The following AK5 variants were observed in gnomAD, a reference collection of about 807,000 sequenced individuals.
AK5 encodes adenylate kinase 5, also known as adenylate kinase isoenzyme 5.
Under a neutral mutation model 69.5 loss-of-function variants are expected in AK5, and 27 were observed. The ratio of observed to expected loss-of-function variants is 0.39; its 90% CI spans 0.29 to 0.54. The LOEUF is 0.54. AK5 is among the 20% of genes least tolerant of loss of function. AK5 has a pLI of 0.71. For missense variants in AK5, 531 were observed against 700.4 expected (o/e 0.76, Z 2.73); for synonymous variants, 260 against 244.4 (o/e 1.06, Z -0.60).
intron 6 of AK5, 58 bp from the exon 7 acceptor site, chr1:77,410,923 G>T (rs1266267155): frequency 2.2e-6 from 3 of 1,358,300 alleles, no homozygotes; most frequent in African/African-American, 2.9e-5. Context: ...TTATATTTTT[G>T]AATTAACTAA....
intron 6 of AK5, among the ~76,000 whole-genome samples, chr1:77,351,852 CAATA>C (rs1395855834): frequency 6.6e-6 from 1 of 151,436 alleles, no homozygotes; most frequent in Non-Finnish European, 1.5e-5. Flanking sequence ...AGCCAACCTA[CAATA>C]ACCACCAAAA....
intron 9 of AK5, among the ~76,000 whole-genome samples, chr1:77,484,217 A>C (rs1471794209): frequency 6.6e-6 from 1 of 152,072 alleles, no homozygotes; most frequent in Admixed American, 6.5e-5. Context: ...CTAGCTATGC[A>C]TGTAACTGAA....
chr1:77,505,609 G>A (rs755691307), intron 10 of AK5, among the ~76,000 whole-genome samples: 3 of 152,108 alleles, frequency 2.0e-5, no homozygotes, highest in Non-Finnish European at 4.4e-5. Flanking sequence ...GTGCACACCT[G>A]TAATCCCGGC....
At chr1:77,554,706 C>T (rs892299438) in intron 13 of AK5, among the ~76,000 whole-genome samples, 14 of 151,948 alleles carry the variant, frequency 9.2e-5, no homozygotes, top group African/African-American at 2.4e-4. Flanking sequence ...CCCGGGTTCA[C>T]GCCATTCTCC....
In AK5 at chr1:77,327,309, T is replaced by A. The variant is rs73004413; in HGVS notation, c.700-13068T>A. The stretch of plus-strand genomic sequence containing the variant: ...CAAGAGCTGAGGTGGGAGAATCACC[T>A]GAGCCAAAGAGTTTGAGACTGCAGT... On this transcript the variant is annotated intron_variant, in intron 5 of 13. Coordinates refer to ENST00000354567, the MANE Select transcript of AK5 (RefSeq NM_174858.3). Among the ~76,000 whole-genome samples the A allele has an allele frequency of 3.3e-3, 497 of 150,646 alleles. 2 individuals carry two copies. Among genetic ancestry groups the A allele is most frequent in the African/African-American group, 9.9e-3 (407 of 40,998 alleles).
chr1:77,349,097 T>C (rs2100405910), intron 6 of AK5, among the ~76,000 whole-genome samples: 1 of 152,168 alleles, frequency 6.6e-6, no homozygotes, highest in African/African-American at 2.4e-5. Flanking sequence ...GGCTTGCCCG[T>C]CAGGAAAATA....
At chr1:77,494,053 A>C (rs907055704) in intron 10 of AK5, among the ~76,000 whole-genome samples, 2 of 152,224 alleles carry the variant, frequency 1.3e-5, no homozygotes, top group African/African-American at 2.4e-5. Flanking sequence ...ACACTGCATG[A>C]CATGGCAGGA....
intron 5 of AK5, among the ~76,000 whole-genome samples, chr1:77,316,131 A>T (rs958769347): frequency 6.6e-6 from 1 of 152,108 alleles, no homozygotes; most frequent in African/African-American, 2.4e-5. Context: ...TAAAGCCCCC[A>T]TGACCTCCTA....
chr1:77,452,696 T>C (rs1305212065), intron 8 of AK5, among the ~76,000 whole-genome samples: 1 of 152,232 alleles, frequency 6.6e-6, no homozygotes, highest in Non-Finnish European at 1.5e-5. Context: ...AGTCCTTCAT[T>C]CAGCCAAGCA....
In AK5 at chr1:77,282,926, G is replaced by C. The variant is rs536395187; in HGVS notation, c.60+553G>C. 1.7e-4 allele frequency: 165 copies of C among 985,970 alleles called. 3 individuals carry two copies. The highest frequency in any genetic ancestry group is 1.7e-5 in the African/African-American group (1 of 57,386). The allele number at this position is 985,970 out of a possible 1,614,324, so 61.1% of individuals were successfully genotyped here. On this transcript the variant is annotated intron_variant, in intron 1 of 13. Coordinates refer to ENST00000354567, the MANE Select transcript of AK5 (RefSeq NM_174858.3). ...ATCAAGTGCCACCTCCCCGGTGACA[G>C]GCCCCCAGCCTTGCTCTGCGCTTTC...
intron 5 of AK5, among the ~76,000 whole-genome samples, chr1:77,304,984 T>A (rs1256123491): frequency 1.3e-5 from 2 of 152,168 alleles, no homozygotes; most frequent in East Asian, 3.9e-4. Flanking sequence ...TTTCTCCACA[T>A]CCTCGTCAGC....
intron 5 of AK5, among the ~76,000 whole-genome samples, chr1:77,334,458 A>G (rs1661247810): frequency 6.6e-6 from 1 of 151,834 alleles, no homozygotes; most frequent in Admixed American, 6.6e-5. Flanking sequence ...TGGTTTTTGT[A>G]TTGCTTCTTG....
chr1:77,426,121 A>G (rs1651190157), intron 8 of AK5, among the ~76,000 whole-genome samples: 1 of 152,236 alleles, frequency 6.6e-6, no homozygotes, highest in African/African-American at 2.4e-5. Context: ...GTATATATTA[A>G]TCCAAGTATA....
intron 5 of AK5, among the ~76,000 whole-genome samples, chr1:77,333,637 A>G (rs1046092069): frequency 1.2e-4 from 18 of 151,540 alleles, no homozygotes; most frequent in African/African-American, 4.4e-4. Context: ...CCCATGTGCC[A>G]AGTCCTACTG....
At chr1:77,419,446 A>G (rs1650658867) in intron 8 of AK5, among the ~76,000 whole-genome samples, 1 of 152,228 alleles carries the variant, frequency 6.6e-6, no homozygotes, top group Admixed American at 6.5e-5. Context: ...ATATAAGGAT[A>G]TTCAAAATAT....
chr1:77,493,336 C>CA (rs913966185), intron 10 of AK5, among the ~76,000 whole-genome samples: 9 of 146,630 alleles, frequency 6.1e-5, no homozygotes, highest in Admixed American at 2.1e-4. Context: ...CAGCCCCCCC[C>CA]AGGTTCTCAG....
intron 8 of AK5, among the ~76,000 whole-genome samples, chr1:77,431,576 G>A (rs1557588798): frequency 6.6e-6 from 1 of 152,124 alleles, no homozygotes; most frequent in East Asian, 1.9e-4. Flanking sequence ...AGGAGCCAAC[G>A]CCCAAAAGCA....
chr1:77,414,275 G>A (rs754470546), intron 7 of AK5, among the ~76,000 whole-genome samples: 3 of 152,298 alleles, frequency 2.0e-5, no homozygotes, highest in African/African-American at 4.8e-5. Context: ...TGTAAGCTAC[G>A]CTGTAAGGGA....
At chr1:77,290,422 A>G (rs1382264040) in intron 2 of AK5, among the ~76,000 whole-genome samples, 1 of 152,234 alleles carries the variant, frequency 6.6e-6, no homozygotes, top group African/African-American at 2.4e-5. Flanking sequence ...TATTACTATG[A>G]AAAATTATTC....
Sources: gnomAD v4.1 joint callset for allele counts (sites outside exome capture counted in the v4.1 genomes callset) on GRCh38, gnomAD v4.1.1 for gene constraint, MANE v1.5 for transcripts, NCBI Gene and HGNC (gene_info 2026-07-23, HGNC 2026-07-21) for gene names.